SEPTIN10: variants seen among roughly 807,000 people sequenced by gnomAD.
The protein encoded by SEPTIN10 is septin 10.
A neutral mutation model predicts 54.8 loss-of-function variants in SEPTIN10; 66 were observed. That is an observed-to-expected ratio of 1.21 (90% CI 0.99 to 1.48). The LOEUF (loss-of-function observed/expected upper bound fraction) is 1.48. Ranked by LOEUF, SEPTIN10 falls within the 40% of genes most tolerant of loss-of-function variation. SEPTIN10 has a pLI of 0.00. For missense variants in SEPTIN10, 620 were observed against 545.6 expected, an observed-to-expected ratio of 1.14 and a Z score of -1.36; for synonymous variants, 161 against 181.0, an observed-to-expected ratio of 0.89 and a Z score of 0.89.
intron 9 of SEPTIN10, among the ~76,000 whole-genome samples, chr2:109,548,494 T>C (rs1224326036): frequency 1.3e-5 from 2 of 152,156 alleles, no homozygotes; most frequent in Non-Finnish European, 1.5e-5. Flanking sequence ...ATGTTATCTT[T>C]TTCTAAGACA....
At position 109,593,828 on chromosome 2, in the gene SEPTIN10, G is replaced by C. The variant is rs553835557; in HGVS notation, c.31-709C>G. ...CAATTGTGGTGTGGTGGGGAAAGCA[G>C]GGATTTTATAATTTGAACAAGTACC... On this transcript the variant is annotated intron_variant, in intron 1 of 10. Coordinates refer to ENST00000397712, the MANE Select transcript of SEPTIN10 (RefSeq NM_144710.5). Among the ~76,000 whole-genome samples the C allele has an allele frequency of 1.4e-3, 220 of 152,240 alleles. 1 individual carries two copies. Among genetic ancestry groups the C allele is most frequent in the African/African-American group, 5.1e-3 (211 of 41,550 alleles).
At chr2:109,603,528 C>T (rs1210821411) in intron 1 of SEPTIN10, among the ~76,000 whole-genome samples, 1 of 151,042 alleles carries the variant, frequency 6.6e-6, no homozygotes, top group African/African-American at 2.4e-5. Context: ...CGTGCACCAC[C>T]GCGCCCGGCC....
At chr2:109,604,711 G>A (rs926135425) in intron 1 of SEPTIN10, 3 of 143,772 alleles carry the variant, frequency 2.1e-5, no homozygotes, top group Non-Finnish European at 4.6e-5. Context: ...GACAGAACGA[G>A]ACTCTGGGGA....
chr2:109,568,196 C>T (rs1687533687), intron 5 of SEPTIN10, among the ~76,000 whole-genome samples: 2 of 151,976 alleles, frequency 1.3e-5, no homozygotes, highest in South Asian at 4.2e-4. Flanking sequence ...CAGTTGCGTT[C>T]ACACTACAAC....
At chr2:109,609,275 T>G (rs1456417514) in intron 1 of SEPTIN10, among the ~76,000 whole-genome samples, 2 of 152,170 alleles carry the variant, frequency 1.3e-5, no homozygotes, top group African/African-American at 4.8e-5. Flanking sequence ...ATAACATACT[T>G]TCCATATAAA....
intron 10 of SEPTIN10, chr2:109,544,607 G>GA (rs1197880350): frequency 2.2e-5 from 21 of 954,390 alleles, no homozygotes; most frequent in Non-Finnish European, 2.6e-5. Context: ...TCATATAGGG[G>GA]AAAAAATGGG....
chr2:109,603,927 C>T (rs946257238), intron 1 of SEPTIN10, among the ~76,000 whole-genome samples: 11 of 151,556 alleles, frequency 7.3e-5, no homozygotes, highest in South Asian at 6.3e-4. Flanking sequence ...TTTGGGAGGC[C>T]GAGGCGGGCG....
chr2:109,553,261 T>G, intron 8 of SEPTIN10, 42 bp from the exon 9 acceptor site: 1 of 1,607,246 alleles, frequency 6.2e-7, no homozygotes. Context: ...AAAAGTGATA[T>G]AGGTCGGGTA....
At chr2:109,579,868 C>A (rs896470275) in intron 4 of SEPTIN10, among the ~76,000 whole-genome samples, 7 of 151,816 alleles carry the variant, frequency 4.6e-5, no homozygotes, top group African/African-American at 1.7e-4. Flanking sequence ...TGCCTGTAAT[C>A]CCAGCACTTT....
Position 109,580,066 on chromosome 2 carries a change from A to T in SEPTIN10, c.413+5060T>A, listed in dbSNP as rs1441261108. On this transcript the variant is annotated intron_variant, in intron 4 of 10. Coordinates refer to ENST00000397712, the MANE Select transcript of SEPTIN10 (RefSeq NM_144710.5). ...AACCTGAGAGATGGAGGTTGCAATG[A>T]GCCTAGATCGCACCACTGCACTCCA... Among the ~76,000 whole-genome samples the T allele has an allele frequency of 4.6e-5, 7 of 152,192 alleles. No homozygotes were observed. In the East Asian group the frequency reaches 1.4e-3, roughly 30 times the overall value.
chr2:109,590,065 T>TACACACACATATATATGTATATATATAC (rs1693615643), intron 2 of SEPTIN10, among the ~76,000 whole-genome samples: 1 of 148,218 alleles, frequency 6.7e-6, no homozygotes, highest in African/African-American at 2.5e-5. Context: ...TGTATATATA[T>TACACACACATATATATGTATATATATAC]ACACACACAT....
chr2:109,567,029 G>C (rs558994265), intron 6 of SEPTIN10, among the ~76,000 whole-genome samples: 43 of 152,002 alleles, frequency 2.8e-4, no homozygotes, highest in Non-Finnish European at 5.9e-5. Flanking sequence ...TTTTTTTACA[G>C]ATTTAGTTTA....
intron 2 of SEPTIN10, among the ~76,000 whole-genome samples, chr2:109,592,512 G>A (rs776292119): frequency 2.4e-4 from 36 of 150,640 alleles, no homozygotes; most frequent in Non-Finnish European, 3.2e-4. Context: ...AGGGCTGGGC[G>A]CAGTGGCCTG....
intron 5 of SEPTIN10, among the ~76,000 whole-genome samples, chr2:109,570,366 G>T (rs991723324): frequency 5.3e-5 from 8 of 152,046 alleles, no homozygotes; most frequent in African/African-American, 1.4e-4. Context: ...CTTTACAGTT[G>T]CCCCCCTCAT....
chr2:109,548,079 G>C (rs530612447), intron 9 of SEPTIN10, among the ~76,000 whole-genome samples: 1 of 152,220 alleles, frequency 6.6e-6, no homozygotes, highest in African/African-American at 2.4e-5. Context: ...AGTAATGAGA[G>C]GAAATACAGA....
At chr2:109,558,455 G>A (rs1684887103) in intron 8 of SEPTIN10, among the ~76,000 whole-genome samples, 1 of 152,128 alleles carries the variant, frequency 6.6e-6, no homozygotes, top group Non-Finnish European at 1.5e-5. Flanking sequence ...AAAAGTTAAA[G>A]GTGATTAACT....
chr2:109,593,423 T>TTTTTTTTTTTA (rs70958718), intron 1 of SEPTIN10, among the ~76,000 whole-genome samples: 1 of 151,454 alleles, frequency 6.6e-6, no homozygotes, highest in African/African-American at 2.4e-5. Flanking sequence ...TTTTTTTTTT[T>TTTTTTTTTTTA]GAGACGGCAT....
chr2:109,585,221 T>C lies in SEPTIN10; in HGVS notation c.318A>G (p.Lys106=), dbSNP rs779238833. The change falls in exon 4 of 11, where the codon AAA becomes AAG. Residue 106 remains lysine, a synonymous_variant. Transcript: ENST00000397712. ...TTTCCTGGAGTTCATATGTCTGAGC[T>C]TTAAGTTTAACATTTGGGCAAAAAT... ...SSHFCPNVKL[K]AQTYELQESN... is the part of the protein sequence containing the mutation. 4 of 1,613,170 alleles carry C rather than the reference T, an allele frequency of 2.5e-6. No individual in the cohort carries two copies. Among genetic ancestry groups the C allele is most frequent in the East Asian group, 4.5e-5 (2 of 44,838 alleles).
intron 6 of SEPTIN10, among the ~76,000 whole-genome samples, chr2:109,566,124 T>C (rs1686959818): frequency 6.6e-6 from 1 of 151,990 alleles, no homozygotes; most frequent in Non-Finnish European, 1.5e-5. Flanking sequence ...TTTATTTATT[T>C]ATTTTTATTT....
Sources: allele counts gnomAD v4.1 joint callset (sites outside exome capture counted in the v4.1 genomes callset), GRCh38; gene constraint gnomAD v4.1.1; transcripts MANE v1.5; gene names NCBI Gene and HGNC (gene_info 2026-07-23, HGNC 2026-07-21).